Variants in CTNNA3 observed in about 807,000 individuals in gnomAD.
CTNNA3 encodes catenin alpha 3.
A neutral mutation model predicts 95.7 loss-of-function variants in CTNNA3; 76 were observed. The ratio of observed to expected loss-of-function variants is 0.79; its 90% CI spans 0.66 to 0.96. The LOEUF (loss-of-function observed/expected upper bound fraction) is 0.96, where lower values mean the gene tolerates loss of function less well. Ranked by LOEUF, CTNNA3 falls within the 40% of genes least tolerant of loss-of-function variation. The pLI is 0.00. For synonymous variants in CTNNA3, 431 were observed against 374.4 expected (o/e 1.15, Z -1.74); for missense variants, 1,191 against 1,089.8 (o/e 1.09, Z -1.31).
At chr10:66,098,681 C>T (rs1449450887) in intron 14 of CTNNA3, 1 of 152,040 alleles carries the variant, frequency 6.6e-6, no homozygotes, top group South Asian at 2.1e-4. Flanking sequence ...TAAAAGATGC[C>T]TATTTTATTC....
intron 11 of CTNNA3, among the ~76,000 whole-genome samples, chr10:66,489,444 G>T (rs1589323017): frequency 6.6e-6 from 1 of 152,184 alleles, no homozygotes; most frequent in African/African-American, 2.4e-5. Context: ...TAAAGGAATG[G>T]CCAACTGGAA....
At chr10:66,586,158 A>C (rs1843354419) in intron 10 of CTNNA3, among the ~76,000 whole-genome samples, 2 of 152,060 alleles carry the variant, frequency 1.3e-5, no homozygotes, top group South Asian at 4.2e-4. Flanking sequence ...GGTCTCATGA[A>C]GCTTATTTTG....
At chr10:66,333,327 T>C (rs1429358869) in intron 12 of CTNNA3, among the ~76,000 whole-genome samples, 1 of 152,136 alleles carries the variant, frequency 6.6e-6, no homozygotes, top group African/African-American at 2.4e-5. Context: ...TGTTAGGGTG[T>C]CAATTTTAGA....
intron 9 of CTNNA3, among the ~76,000 whole-genome samples, chr10:66,695,923 G>GGGGT (rs1564624687): frequency 7.3e-6 from 1 of 136,718 alleles, no homozygotes; most frequent in African/African-American, 2.7e-5. Context: ...GTAAGGGGGG[G>GGGGT]GGGCAATAAA....
chr10:66,987,273 T>C lies in CTNNA3; in HGVS notation c.1047+193044A>G, dbSNP rs1237637142. Among the ~76,000 whole-genome samples, 5 of 152,228 alleles carry C rather than the reference T, an allele frequency of 3.3e-5. No homozygotes were observed. In the South Asian group the frequency reaches 6.2e-4, roughly 19 times the overall value. On this transcript the variant is annotated intron_variant, in intron 7 of 17. Coordinates refer to ENST00000433211, the MANE Select transcript of CTNNA3 (RefSeq NM_013266.4). ...GGCACATGACATGACCTGATTGACA[T>C]TGTAACAGGGGAGCAAGGCAGAATT... is the stretch of plus-strand genomic sequence containing the variant.
chr10:67,668,233 C>A (rs956461229), intron 1 of CTNNA3, among the ~76,000 whole-genome samples: 1 of 139,450 alleles, frequency 7.2e-6, no homozygotes, highest in Non-Finnish European at 1.5e-5. Context: ...ATTGAATAAG[C>A]AGTGAATAGA....
At chr10:65,991,295 TGAA>T (rs2078540512) in intron 15 of CTNNA3, among the ~76,000 whole-genome samples, 1 of 152,140 alleles carries the variant, frequency 6.6e-6, no homozygotes, top group South Asian at 2.1e-4. Flanking sequence ...TCTGTTTCTG[TGAA>T]GAATGTCACT....
At chr10:67,548,744 A>T (rs561082656) in intron 3 of CTNNA3, among the ~76,000 whole-genome samples, 26 of 152,260 alleles carry the variant, frequency 1.7e-4, no homozygotes, top group Non-Finnish European at 2.9e-4. Context: ...GCAATAAAAA[A>T]AATTGATGAA....
chr10:66,165,724 T>C (rs2085093797), intron 13 of CTNNA3, among the ~76,000 whole-genome samples: 1 of 152,040 alleles, frequency 6.6e-6, no homozygotes, highest in Non-Finnish European at 1.5e-5. Context: ...TGTGTCATCA[T>C]TTTGTATACC....
chr10:67,674,255 T>C (rs548698665), intron 1 of CTNNA3, among the ~76,000 whole-genome samples: 1 of 151,940 alleles, frequency 6.6e-6, no homozygotes, highest in Non-Finnish European at 1.5e-5. Context: ...AATTAGGACA[T>C]AGAGAAGAAA....
At chr10:66,718,900 C>A (rs1012126549) in intron 9 of CTNNA3, among the ~76,000 whole-genome samples, 6 of 152,056 alleles carry the variant, frequency 3.9e-5, no homozygotes, top group Admixed American at 2.0e-4. Flanking sequence ...ACTTTATTTT[C>A]CCTTTTTGTG....
chr10:67,053,454 A>C (rs1421210265), intron 7 of CTNNA3, among the ~76,000 whole-genome samples: 1 of 152,188 alleles, frequency 6.6e-6, no homozygotes, highest in Admixed American at 6.5e-5. Context: ...AATACTAAGA[A>C]TTTTAGATTA....
chr10:66,215,888 C>T (rs1327978141), intron 13 of CTNNA3, among the ~76,000 whole-genome samples: 1 of 152,216 alleles, frequency 6.6e-6, no homozygotes, highest in African/African-American at 2.4e-5. Context: ...ATTTCACTGT[C>T]TCCCTCTGCT....
intron 13 of CTNNA3, among the ~76,000 whole-genome samples, chr10:66,178,924 G>A (rs1198759769): frequency 1.3e-5 from 2 of 151,944 alleles, no homozygotes; most frequent in Non-Finnish European, 2.9e-5. Flanking sequence ...TGATGACACA[G>A]AAACTGTGTC....
chr10:67,057,037 A>T (rs1855476834), intron 7 of CTNNA3, among the ~76,000 whole-genome samples: 2 of 152,218 alleles, frequency 1.3e-5, no homozygotes, highest in African/African-American at 4.8e-5. Flanking sequence ...CTACATCAGC[A>T]ATTCTGCCTC....
chr10:67,414,374 T>C (rs774966015), intron 5 of CTNNA3, among the ~76,000 whole-genome samples: 1 of 151,996 alleles, frequency 6.6e-6, no homozygotes, highest in Non-Finnish European at 1.5e-5. Flanking sequence ...TCTCCAAAGA[T>C]GGAATCATGA....
intron 12 of CTNNA3, among the ~76,000 whole-genome samples, chr10:66,340,020 A>C (rs2092437521): frequency 6.6e-6 from 1 of 151,702 alleles, no homozygotes; most frequent in African/African-American, 2.4e-5. Context: ...ATAATTAATA[A>C]TACATGTACT....
Position 67,498,175 on chromosome 10 carries a change from C to T in CTNNA3, c.579+23667G>A, listed in dbSNP as rs76613696. ...TATGGCTAGCCAGTTTTCCCAACAC[C>T]ATTTATTAAATATAAAATCTTTTCC... is the stretch of plus-strand genomic sequence containing the variant. On this transcript the variant is annotated intron_variant, in intron 5 of 17. Transcript: ENST00000433211. 2.4e-3 allele frequency among the ~76,000 whole-genome samples: 359 copies of T among 152,266 alleles called. 1 individual carries two copies. Among genetic ancestry groups the T allele is most frequent in the African/African-American group, 8.3e-3 (345 of 41,564 alleles).
At chr10:67,538,157 T>TAAAA (rs1176919938) in intron 4 of CTNNA3, among the ~76,000 whole-genome samples, 36 of 59,180 alleles carry the variant, frequency 6.1e-4, no homozygotes, top group African/African-American at 2.1e-3. Context: ...CTACTTAAAC[T>TAAAA]AAAAAAAAAA....
Sources: allele counts gnomAD v4.1 joint callset (sites outside exome capture counted in the v4.1 genomes callset), GRCh38; gene constraint gnomAD v4.1.1; transcripts MANE v1.5; gene names NCBI Gene and HGNC (gene_info 2026-07-23, HGNC 2026-07-21).